SLK: variants seen among roughly 807,000 people sequenced by gnomAD.
SLK encodes the protein STE20 like kinase, also known as STE20-like serine/threonine-protein kinase.
In SLK, 67 loss-of-function variants were observed where a neutral mutation model predicts 147.7. The observed-to-expected ratio is 0.45, with a 90% CI of 0.37 to 0.56. The LOEUF (loss-of-function observed/expected upper bound fraction) is 0.56, where lower values mean the gene tolerates loss of function less well. SLK is among the 20% of genes least tolerant of loss of function. The probability of loss-of-function intolerance (pLI) is 0.00; values close to 1 mark genes in which losing one functional copy is unlikely to be tolerated. For synonymous variants in SLK, 441 were observed against 475.0 expected (o/e 0.93, Z 0.93); for missense variants, 1,136 against 1,438.8 (o/e 0.79, Z 3.41).
intron 4 of SLK, 49 bp from the exon 5 acceptor site, chr10:103,998,850 G>T: frequency 1.5e-6 from 2 of 1,353,448 alleles, no homozygotes; most frequent in South Asian, 2.4e-5. Flanking sequence ...TGAATACAAT[G>T]AACAATGCTT....
intron 1 of SLK, among the ~76,000 whole-genome samples, chr10:103,988,755 A>G (rs772580443): frequency 6.6e-6 from 1 of 152,172 alleles, no homozygotes; most frequent in Non-Finnish European, 1.5e-5. Context: ...GAATCCTTCT[A>G]TATATGCCAG....
rs753242927 is a variant in SLK at position 104,003,333 on chromosome 10, A to G, written c.2155A>G (p.Ser719Gly). The G allele has an allele frequency of 2.5e-6, 4 of 1,614,006 alleles. No individual in the cohort carries two copies. Among genetic ancestry groups the G allele is most frequent in the Non-Finnish European group, 3.4e-6 (4 of 1,179,860 alleles). Residue 719 changes from serine to glycine, a missense_variant, in exon 9 of 19, where the codon AGT (serine) becomes GGT (glycine). Physicochemically the swap from Ser to Gly is moderately conservative, Grantham distance 56 (BLOSUM62 0). Around this residue, in one of 6 missense-constraint regions of SLK, gnomAD observed 516 missense variants for 531.3 expected, o/e 0.97. Transcript: ENST00000369755. ...LIPSININSDSGENKEEIGSL... is the reference protein window; with the variant it reads ...LIPSININSDGGENKEEIGSL... ...ACCCAGTATTAATATCAACTCTGAC[A>G]GTGGAGAAAATAAAGAAGAAATAGG...
In SLK at chr10:103,990,796, T is replaced by TC. The variant is rs1409115347; in HGVS notation, c.272_273insC (p.Val92SerfsTer10). The TC allele has an allele frequency of 6.5e-7, 1 of 1,545,264 alleles. No homozygotes were observed. Among genetic ancestry groups the TC allele is most frequent in the South Asian group, 1.3e-5 (1 of 77,306 alleles). On this transcript the variant is annotated frameshift_variant, in exon 2 of 19. Transcript: ENST00000369755. LOFTEE classifies it high-confidence loss of function. ...TTAGCATCTTGTGATCACCCAAATA[T>TC]AGTCAAGCTTCTAGATGCCTTCTAT...
At chr10:104,019,019 CTTT>C in intron 15 of SLK, 111 bp downstream of exon 15, 1 of 1,058,424 alleles carries the variant, frequency 9.4e-7, no homozygotes, top group Non-Finnish European at 1.3e-6. Context: ...TCCTTTCTGT[CTTT>C]TATCCTACAA....
intron 4 of SLK, among the ~76,000 whole-genome samples, chr10:103,997,113 A>T (rs1394788394): frequency 6.6e-6 from 1 of 151,984 alleles, no homozygotes; most frequent in Non-Finnish European, 1.5e-5. Context: ...GGCAACCACC[A>T]TTCTGCTTTC....
chr10:104,003,535 T>A lies in SLK; in HGVS notation c.2349+8T>A, dbSNP rs776977687. 3 of 1,528,056 alleles carry A rather than the reference T, an allele frequency of 2.0e-6. No homozygotes were observed. In the East Asian group the frequency reaches 6.8e-5, roughly 35 times the overall value. The allele number at this position is 1,528,056 out of a possible 1,614,324, so 94.7% of individuals were successfully genotyped here. On this transcript the variant is annotated splice_region_variant and intron_variant, in intron 9 of 18. Coordinates refer to ENST00000369755, the MANE Select transcript of SLK (RefSeq NM_014720.4). ...GGATCGATATCTTTACAAGTAAGTG[T>A]ACATGAGTCATTGTTTGGGTTTTCC... is the stretch of plus-strand genomic sequence containing the variant.
At chr10:103,976,788 C>T (rs1157804314) in intron 1 of SLK, among the ~76,000 whole-genome samples, 1 of 152,330 alleles carries the variant, frequency 6.6e-6, no homozygotes, top group South Asian at 2.1e-4. Flanking sequence ...ATAGCCCTTA[C>T]TTGCTTTCGG....
At position 103,990,746 on chromosome 10, in the gene SLK, A is replaced by G. The variant is rs757864599; in HGVS notation, c.222A>G (p.Glu74=). 1 of 1,574,680 alleles carries G rather than the reference A, an allele frequency of 6.4e-7. No homozygotes were observed. The highest frequency in any genetic ancestry group is 8.6e-7 in the Non-Finnish European group (1 of 1,162,882). The part of the protein sequence containing the change: ...VIDTKSEEEL[E]DYMVEIDILA... ...ACACTAAATCTGAAGAAGAACTTGA[A>G]GATTACATGGTAGAGATTGACATAT... The change falls in exon 2 of 19, where the codon GAA becomes GAG. Residue 74 remains glutamate (E), a synonymous_variant. Transcript: ENST00000369755.
intron 13 of SLK, among the ~76,000 whole-genome samples, chr10:104,016,084 C>T (rs529856029): frequency 2.6e-5 from 4 of 151,940 alleles, no homozygotes; most frequent in Non-Finnish European, 5.9e-5. Flanking sequence ...TTTGGGAGGC[C>T]GAGGTGGGCG....
In SLK at chr10:104,002,532, G is replaced by A. The variant is rs1362087344; in HGVS notation, c.1354G>A (p.Glu452Lys). 1 of 1,610,014 alleles carries A rather than the reference G, an allele frequency of 6.2e-7. No individual in the cohort carries two copies. The highest frequency in any genetic ancestry group is 1.3e-5 in the African/African-American group (1 of 74,516). ...CATTAATTCAGTCAGTGAAGGAAAA[G>A]AGAATAATATAATGATAACCTTAGA... is the stretch of plus-strand genomic sequence containing the variant. ...VDINSVSEGKENNIMITLETN... is the reference protein window; with the variant it reads ...VDINSVSEGKKNNIMITLETN... Residue 452 changes from glutamate to lysine, a missense_variant, in exon 9 of 19, where the codon GAG becomes AAG. By Grantham distance (56) the Glu-to-Lys change is moderately conservative. Transcript: ENST00000369755.
chr10:103,993,839 A>G (rs1589533394), intron 4 of SLK, among the ~76,000 whole-genome samples: 2 of 152,248 alleles, frequency 1.3e-5, no homozygotes, highest in Admixed American at 6.5e-5. Context: ...ACCAGTGACT[A>G]TAGTCATTTC....
In SLK at chr10:104,020,577, G is replaced by A; in HGVS notation, c.3411G>A (p.Gln1137=). The A allele has an allele frequency of 6.2e-7, 1 of 1,613,952 alleles. No homozygotes were observed. The highest frequency in any genetic ancestry group is 8.5e-7 in the Non-Finnish European group (1 of 1,179,942). ...ATCAAATGCGAGATCTTCAGTTGCA[G>A]TGTGAAGCCAATGTCCGCGAACTGC... ...HENQMRDLQL[Q]CEANVRELHQ... Residue 1137 remains glutamine, a synonymous_variant, in exon 17 of 19, where the codon CAG becomes CAA. Transcript: ENST00000369755.
intron 1 of SLK, among the ~76,000 whole-genome samples, chr10:103,976,226 A>G (rs937599300): frequency 2.0e-5 from 3 of 152,174 alleles, no homozygotes; most frequent in East Asian, 3.9e-4. Context: ...ATTAAAAACC[A>G]AAAAATACGA....
intron 18 of SLK, among the ~76,000 whole-genome samples, chr10:104,025,132 G>C (rs1487846715): frequency 6.6e-6 from 1 of 152,142 alleles, no homozygotes; most frequent in Non-Finnish European, 1.5e-5. Context: ...TTATATTATA[G>C]TCTAGTGTGA....
At chr10:103,974,130 G>T (rs1030935608) in intron 1 of SLK, among the ~76,000 whole-genome samples, 2 of 152,050 alleles carry the variant, frequency 1.3e-5, no homozygotes, top group African/African-American at 2.4e-5. Context: ...TCAATCCAAA[G>T]ACTTATGTCC....
intron 7 of SLK, among the ~76,000 whole-genome samples, chr10:104,000,163 G>A (rs1844226717): frequency 1.3e-5 from 2 of 152,046 alleles, no homozygotes; most frequent in African/African-American, 4.8e-5. Context: ...GTTTAATTAT[G>A]TTCTTTTCAT....
At chr10:103,971,978 A>G (rs1198701031) in intron 1 of SLK, among the ~76,000 whole-genome samples, 1 of 152,142 alleles carries the variant, frequency 6.6e-6, no homozygotes, top group African/African-American at 2.4e-5. Flanking sequence ...ACTATCTAGG[A>G]TTATATCCCT....
At chr10:104,022,890 G>C (rs1473707113) in intron 18 of SLK, among the ~76,000 whole-genome samples, 2 of 152,256 alleles carry the variant, frequency 1.3e-5, no homozygotes, top group Admixed American at 1.3e-4. Flanking sequence ...TTATAGGCGT[G>C]AGCCACCATG....
intron 11 of SLK, among the ~76,000 whole-genome samples, chr10:104,007,414 T>G (rs1844341038): frequency 6.6e-6 from 1 of 152,002 alleles, no homozygotes; most frequent in Admixed American, 6.6e-5. Context: ...GAGACCAACC[T>G]GGCAAACATG....
Sources: allele counts gnomAD v4.1 joint callset (sites outside exome capture counted in the v4.1 genomes callset), GRCh38; gene constraint gnomAD v4.1.1; regional missense constraint gnomAD v4.1.1; transcripts MANE v1.5; gene names NCBI Gene and HGNC (gene_info 2026-07-23, HGNC 2026-07-21).